Variants in PDE4D observed in about 807,000 individuals in gnomAD.
PDE4D encodes the protein 3',5'-cyclic-AMP phosphodiesterase 4D.
Under a neutral mutation model 87.4 loss-of-function variants are expected in PDE4D, and 24 were observed. That is an observed-to-expected ratio of 0.27 (90% CI 0.20 to 0.39). The LOEUF (loss-of-function observed/expected upper bound fraction) is 0.39. Among genes scored for constraint, PDE4D ranks in the 10% least tolerant of loss-of-function variants. PDE4D has a pLI of 1.00. For synonymous variants in PDE4D, 384 were observed against 383.2 expected (o/e 1.00, Z -0.02); for missense variants, 714 against 1,041.0 (o/e 0.69, Z 4.32).
At chr5:60,303,813 T>A (rs1754170327) in intron 1 of PDE4D, among the ~76,000 whole-genome samples, 1 of 152,230 alleles carries the variant, frequency 6.6e-6, no homozygotes, top group Non-Finnish European at 1.5e-5. Context: ...TCAGGTCTGC[T>A]TGATCCAGAG....
intron 2 of PDE4D, among the ~76,000 whole-genome samples, chr5:60,140,502 A>C (rs1360336119): frequency 6.6e-6 from 1 of 151,866 alleles, no homozygotes; most frequent in Non-Finnish European, 1.5e-5. Context: ...TGATATCACA[A>C]ACATTTAAAA....
chr5:60,177,511 G>A (rs896133815), intron 2 of PDE4D, among the ~76,000 whole-genome samples: 3 of 152,132 alleles, frequency 2.0e-5, no homozygotes, highest in Non-Finnish European at 4.4e-5. Flanking sequence ...GGCAATGAAT[G>A]TCCGACAAAC....
chr5:59,939,178 G>T (rs868520242), intron 3 of PDE4D, among the ~76,000 whole-genome samples: 1 of 152,200 alleles, frequency 6.6e-6, no homozygotes, highest in African/African-American at 2.4e-5. Context: ...GTGTGCACAA[G>T]AAATAAGCCT....
intron 2 of PDE4D, among the ~76,000 whole-genome samples, chr5:59,214,065 CACACA>C (rs1750697401): frequency 6.6e-6 from 1 of 151,238 alleles, no homozygotes; most frequent in African/African-American, 2.4e-5. Flanking sequence ...CACACACACA[CACACA>C]CACACACAAC....
chr5:59,856,380 T>C (rs539637092), intron 1 of PDE4D, among the ~76,000 whole-genome samples: 2 of 151,894 alleles, frequency 1.3e-5, no homozygotes, highest in South Asian at 4.1e-4. Flanking sequence ...ATCTCACTAA[T>C]CTATAAAAAA....
intron 1 of PDE4D, among the ~76,000 whole-genome samples, chr5:59,468,909 G>C (rs2153650510): frequency 6.6e-6 from 1 of 152,318 alleles, no homozygotes; most frequent in Middle Eastern, 3.4e-3. Flanking sequence ...TGGCTCATGA[G>C]AGAAACAAGG....
intron 5 of PDE4D, among the ~76,000 whole-genome samples, chr5:59,111,978 G>T (rs1772734382): frequency 6.6e-6 from 1 of 152,158 alleles, no homozygotes; most frequent in Non-Finnish European, 1.5e-5. Context: ...ATAAACAATA[G>T]ATATAGTAAA....
At chr5:59,037,076 C>G (rs1426137131) in intron 6 of PDE4D, among the ~76,000 whole-genome samples, 3 of 151,986 alleles carry the variant, frequency 2.0e-5, no homozygotes, top group African/African-American at 7.3e-5. Flanking sequence ...ATTATTATGA[C>G]CTAAAAAATT....
intron 1 of PDE4D, among the ~76,000 whole-genome samples, chr5:59,613,343 T>A (rs1829241226): frequency 6.6e-6 from 1 of 152,118 alleles, no homozygotes; most frequent in Non-Finnish European, 1.5e-5. Flanking sequence ...ATGCTCAGTT[T>A]CAGGTATAGA....
chr5:59,299,238 G>A (rs954207633), intron 1 of PDE4D, among the ~76,000 whole-genome samples: 10 of 152,166 alleles, frequency 6.6e-5, no homozygotes, highest in Non-Finnish European at 1.5e-4. Flanking sequence ...GATTGTTAAT[G>A]ACCCCCGGAA....
intron 1 of PDE4D, among the ~76,000 whole-genome samples, chr5:59,363,307 G>A (rs1782518899): frequency 1.3e-5 from 2 of 152,096 alleles, no homozygotes; most frequent in Admixed American, 6.6e-5. Context: ...ATTTATCTGT[G>A]TGCTTTGTGT....
At chr5:59,360,776 A>C (rs1782083974) in intron 1 of PDE4D, among the ~76,000 whole-genome samples, 1 of 152,172 alleles carries the variant, frequency 6.6e-6, no homozygotes, top group Admixed American at 6.6e-5. Flanking sequence ...CAATTATTTT[A>C]AGACTTGGCA....
intron 1 of PDE4D, among the ~76,000 whole-genome samples, chr5:59,697,105 C>T (rs1044915415): frequency 3.3e-5 from 5 of 152,054 alleles, no homozygotes; most frequent in South Asian, 2.1e-4. Context: ...AATAAGAAAG[C>T]CTTCCTGATG....
chr5:59,327,160 C>CAA (rs1218413142), intron 1 of PDE4D, among the ~76,000 whole-genome samples: 1 of 149,716 alleles, frequency 6.7e-6, no homozygotes, highest in South Asian at 2.1e-4. Context: ...CACACACACA[C>CAA]ACACACACAC....
At chr5:60,005,727 C>G (rs1376780745) in intron 2 of PDE4D, among the ~76,000 whole-genome samples, 1 of 151,742 alleles carries the variant, frequency 6.6e-6, no homozygotes, top group Non-Finnish European at 1.5e-5. Context: ...TTAGATTTAA[C>G]TAATAATTAT....
chr5:59,548,502 T>C (rs1817626807), intron 1 of PDE4D, among the ~76,000 whole-genome samples: 1 of 152,116 alleles, frequency 6.6e-6, no homozygotes. Flanking sequence ...AATAGACAAA[T>C]GTTCTACCTT....
intron 3 of PDE4D, among the ~76,000 whole-genome samples, chr5:59,949,465 A>G (rs1261829446): frequency 6.6e-6 from 1 of 151,336 alleles, no homozygotes; most frequent in African/African-American, 2.4e-5. Context: ...AGAATATACG[A>G]TAGGTTTTCC....
intron 6 of PDE4D, among the ~76,000 whole-genome samples, chr5:59,030,865 CATGTGCAGG>C (rs1054534146): frequency 4.1e-4 from 63 of 152,174 alleles, no homozygotes; most frequent in African/African-American, 1.1e-3. Context: ...TTCAGGGGTA[CATGTGCAGG>C]ATGTGCAGGA....
chr5:59,603,869 G>T (rs1465275539), intron 1 of PDE4D, among the ~76,000 whole-genome samples: 1 of 151,920 alleles, frequency 6.6e-6, no homozygotes, highest in Admixed American at 6.6e-5. Flanking sequence ...ATAACAATAT[G>T]TTGTATTCTT....
Sources: allele counts gnomAD v4.1 joint callset (sites outside exome capture counted in the v4.1 genomes callset), GRCh38; gene constraint gnomAD v4.1.1; transcripts MANE v1.5; gene names NCBI Gene and HGNC (gene_info 2026-07-23, HGNC 2026-07-21).